FAM53B: variants seen among roughly 807,000 people sequenced by gnomAD.
The protein encoded by FAM53B is protein FAM53B.
In FAM53B, 12 loss-of-function variants were observed where a neutral mutation model predicts 32.7. The observed-to-expected ratio is 0.37, with a 90% CI of 0.24 to 0.59. The LOEUF (loss-of-function observed/expected upper bound fraction) is 0.59, where lower values mean the gene tolerates loss of function less well. Ranked by LOEUF, FAM53B falls within the 20% of genes least tolerant of loss-of-function variation. The pLI is 0.72. For synonymous variants in FAM53B, 234 were observed against 228.7 expected (o/e 1.02, Z -0.21); for missense variants, 477 against 577.7 (o/e 0.83, Z 1.79).
chr10:124,669,259 G>A (rs1949692454), intron 4 of FAM53B, among the ~76,000 whole-genome samples: 1 of 152,232 alleles, frequency 6.6e-6, no homozygotes, highest in African/African-American at 2.4e-5. Context: ...TCCGCTCAGT[G>A]TGGCAGAGCA....
intron 1 of FAM53B, among the ~76,000 whole-genome samples, chr10:124,711,895 TA>T (rs1201596802): frequency 2.0e-5 from 3 of 147,430 alleles, no homozygotes; most frequent in South Asian, 2.2e-4. Context: ...CTACAAAAAA[TA>T]AAAACTAAAA....
chr10:124,732,524 T>C (rs762502515), intron 1 of FAM53B, among the ~76,000 whole-genome samples: 1 of 152,150 alleles, frequency 6.6e-6, no homozygotes, highest in Non-Finnish European at 1.5e-5. Context: ...AAATCATGTG[T>C]AACATATAAG....
chr10:124,725,220 C>A (rs1169966339), intron 1 of FAM53B, among the ~76,000 whole-genome samples: 1 of 152,208 alleles, frequency 6.6e-6, no homozygotes, highest in African/African-American at 2.4e-5. Flanking sequence ...TGAGAGGAAA[C>A]CACCACTAAG....
chr10:124,700,897 C>T (rs1056457482), intron 2 of FAM53B, among the ~76,000 whole-genome samples: 2 of 152,182 alleles, frequency 1.3e-5, no homozygotes, highest in East Asian at 1.9e-4. Flanking sequence ...CCCACACTTC[C>T]GAAATGCAAC....
intron 4 of FAM53B, among the ~76,000 whole-genome samples, chr10:124,638,970 G>A (rs1949453114): frequency 6.6e-6 from 1 of 152,190 alleles, no homozygotes; most frequent in Admixed American, 6.5e-5. Flanking sequence ...AGGACCTGCT[G>A]GAGACTGCAT....
intron 4 of FAM53B, among the ~76,000 whole-genome samples, chr10:124,668,580 G>A (rs1222866196): frequency 6.6e-6 from 1 of 152,268 alleles, no homozygotes; most frequent in Non-Finnish European, 1.5e-5. Flanking sequence ...CCTTCCACAA[G>A]GGGACACAAG....
chr10:124,710,551 G>A (rs1268302758), intron 1 of FAM53B, among the ~76,000 whole-genome samples: 1 of 152,178 alleles, frequency 6.6e-6, no homozygotes, highest in Non-Finnish European at 1.5e-5. Flanking sequence ...TCTGCAAACA[G>A]GGTCAGGGTC....
At chr10:124,626,152 G>A (rs546115631) in intron 4 of FAM53B, among the ~76,000 whole-genome samples, 1 of 152,378 alleles carries the variant, frequency 6.6e-6, no homozygotes, top group Admixed American at 6.5e-5. Flanking sequence ...AGGGGCCTGG[G>A]GCGTGGCCTG....
At chr10:124,731,516 C>G (rs1325992169) in intron 1 of FAM53B, among the ~76,000 whole-genome samples, 1 of 152,118 alleles carries the variant, frequency 6.6e-6, no homozygotes, top group African/African-American at 2.4e-5. Context: ...CTCATCTGTA[C>G]TGCCTTGTAC....
intron 1 of FAM53B, among the ~76,000 whole-genome samples, chr10:124,717,272 G>GT (rs1364885625): frequency 4.6e-5 from 7 of 152,310 alleles, no homozygotes; most frequent in African/African-American, 1.4e-4. Context: ...CTGTAGTCAC[G>GT]TATCAGCTGT....
chr10:124,672,298 C>T (rs1033412509), intron 4 of FAM53B, among the ~76,000 whole-genome samples: 1 of 152,272 alleles, frequency 6.6e-6, no homozygotes, highest in African/African-American at 2.4e-5. Flanking sequence ...TGCTCTGGCC[C>T]TCACTGGGCT....
At chr10:124,631,203 C>T (rs1031416087) in intron 4 of FAM53B, among the ~76,000 whole-genome samples, 5 of 152,142 alleles carry the variant, frequency 3.3e-5, no homozygotes, top group Non-Finnish European at 7.3e-5. Context: ...GCACCCCTCC[C>T]GCTGGATTCT....
chr10:124,715,380 C>T (rs1950032977), intron 1 of FAM53B, among the ~76,000 whole-genome samples: 1 of 152,190 alleles, frequency 6.6e-6, no homozygotes. Flanking sequence ...GGTGAAGTGT[C>T]TTCCAGGAAG....
intron 4 of FAM53B, among the ~76,000 whole-genome samples, chr10:124,630,859 G>C (rs996185088): frequency 2.0e-5 from 3 of 152,224 alleles, no homozygotes; most frequent in African/African-American, 7.2e-5. Flanking sequence ...GCCAGACTGT[G>C]GTCACCCCGT....
intron 4 of FAM53B, among the ~76,000 whole-genome samples, chr10:124,657,112 G>GTA (rs60710275): frequency 1.5e-5 from 2 of 136,988 alleles, no homozygotes; most frequent in Non-Finnish European, 3.2e-5. Context: ...ATATATATGT[G>GTA]TGTGTGTATA....
intron 3 of FAM53B, among the ~76,000 whole-genome samples, chr10:124,688,350 C>A (rs920821974): frequency 1.2e-4 from 19 of 152,232 alleles, no homozygotes; most frequent in Non-Finnish European, 2.2e-4. Flanking sequence ...GTTGCTTTAG[C>A]CTTTAGGGCA....
At chr10:124,642,160 C>T (rs948796035) in intron 4 of FAM53B, among the ~76,000 whole-genome samples, 3 of 152,248 alleles carry the variant, frequency 2.0e-5, no homozygotes, top group African/African-American at 7.2e-5. Flanking sequence ...CGGGCAGGCT[C>T]AGACCACAGG....
At chr10:124,678,772 T>A (rs1258898437) in intron 4 of FAM53B, among the ~76,000 whole-genome samples, 4 of 152,188 alleles carry the variant, frequency 2.6e-5, no homozygotes, top group African/African-American at 9.7e-5. Flanking sequence ...GCCCTCTTAC[T>A]CTCTCGGGTT....
intron 1 of FAM53B, among the ~76,000 whole-genome samples, chr10:124,737,397 C>T (rs905561395): frequency 1.3e-4 from 20 of 151,956 alleles, no homozygotes; most frequent in African/African-American, 3.9e-4. Context: ...GGGGTGGGGA[C>T]GGGGGATGGG....
Sources: gnomAD v4.1 joint callset for allele counts (sites outside exome capture counted in the v4.1 genomes callset) on GRCh38, gnomAD v4.1.1 for gene constraint, MANE v1.5 for transcripts, NCBI Gene and HGNC (gene_info 2026-07-23, HGNC 2026-07-21) for gene names.